GLRX3: variants seen among roughly 807,000 people sequenced by gnomAD.
The protein encoded by GLRX3 is glutaredoxin 3.
In GLRX3, 22 loss-of-function variants were observed where a neutral mutation model predicts 49.5. The observed-to-expected ratio is 0.44, with a 90% CI of 0.32 to 0.63. The LOEUF (loss-of-function observed/expected upper bound fraction) is 0.63, where lower values mean the gene tolerates loss of function less well. GLRX3 is among the 30% of genes least tolerant of loss of function. GLRX3 has a pLI of 0.05. For missense variants in GLRX3, 385 were observed against 396.3 expected (o/e 0.97, Z 0.24); for synonymous variants, 133 against 140.0 (o/e 0.95, Z 0.35).
intron 4 of GLRX3, 88 bp from the exon 5 acceptor site, chr10:130,166,419 A>G (rs1862690021): frequency 3.5e-6 from 3 of 865,058 alleles, no homozygotes; most frequent in Non-Finnish European, 3.7e-6. Context: ...TGTCTTTTAG[A>G]TGATATGTAC....
chr10:130,160,773 C>A, intron 3 of GLRX3, 23 bp from the exon 4 acceptor site: 2 of 1,351,308 alleles, frequency 1.5e-6, no homozygotes, highest in Non-Finnish European at 1.1e-6. Context: ...TGCATGTATT[C>A]TAAATAACTT....
rs535472955 is a variant in GLRX3 at position 130,167,416 on chromosome 10, G to A, written c.713+436G>A. 5.9e-5 allele frequency among the ~76,000 whole-genome samples: 9 copies of A among 152,228 alleles called. No homozygotes were observed. The South Asian group carries it at 1.0e-3, about 18-fold the overall frequency. On this transcript the variant is annotated intron_variant, in intron 6 of 10. Coordinates refer to ENST00000331244, the MANE Select transcript of GLRX3 (RefSeq NM_006541.5). ...GTGAGTGTGAAAAACTCATCACCTC[G>A]CAACAAGCTTTGAGCACTTCTCATG...
At chr10:130,171,798 G>A (rs949480612) in intron 8 of GLRX3, among the ~76,000 whole-genome samples, 162 bp downstream of exon 8, 4 of 151,704 alleles carry the variant, frequency 2.6e-5, no homozygotes, top group African/African-American at 7.3e-5. Flanking sequence ...AGACCCCATC[G>A]CCACAAAAAA....
chr10:130,138,204 G>C (rs538652176), intron 1 of GLRX3, among the ~76,000 whole-genome samples: 6 of 152,054 alleles, frequency 3.9e-5, no homozygotes, highest in Admixed American at 3.3e-4. Flanking sequence ...CTACACGTGC[G>C]GTCCACCACG....
Position 130,136,633 on chromosome 10 carries a change from C to T in GLRX3, c.92+121C>T, listed in dbSNP as rs948820673. 1.6e-5 allele frequency: 18 copies of T among 1,157,202 alleles called. No homozygotes were observed. The African/African-American group carries it at 1.9e-4, about 12-fold the overall frequency. 71.7% of individuals were successfully genotyped at this position (1,157,202 alleles called of 1,614,324 possible). On this transcript the variant is annotated intron_variant, in intron 1 of 10. Coordinates refer to ENST00000331244, the MANE Select transcript of GLRX3 (RefSeq NM_006541.5). ...CTTGGTGCCCGGCTCCCTTCGGCCT[C>T]GGGGGACCGGGCCCGGCGCCACCCG...
chr10:130,143,249 C>A (rs1311284320), intron 1 of GLRX3, among the ~76,000 whole-genome samples: 6 of 152,188 alleles, frequency 3.9e-5, no homozygotes, highest in Non-Finnish European at 7.3e-5. Context: ...GGCTTATTCT[C>A]TTCTCGCTGG....
chr10:130,179,332 T>A lies in GLRX3; in HGVS notation c.958-10T>A. 7.8e-7 allele frequency: 1 copy of A among 1,282,620 alleles called. No individual in the cohort carries two copies. Among genetic ancestry groups the A allele is most frequent in the Non-Finnish European group, 1.1e-6 (1 of 892,022 alleles). 79.5% of individuals were successfully genotyped at this position (1,282,620 alleles called of 1,614,324 possible). A position where few individuals can be genotyped will look rare whatever the true frequency, so the allele number is the denominator to read the frequency against. On this transcript the variant is annotated splice_polypyrimidine_tract_variant and intron_variant, in intron 10 of 10. Coordinates refer to ENST00000331244, the MANE Select transcript of GLRX3 (RefSeq NM_006541.5). ...ATATACATATTATTATTGTTGTTTT[T>A]TATTTTTAGGAACTGAAAGAAAATG... is the stretch of plus-strand genomic sequence containing the variant.
intron 2 of GLRX3, among the ~76,000 whole-genome samples, chr10:130,151,662 G>A (rs918637907): frequency 1.3e-5 from 2 of 152,106 alleles, no homozygotes; most frequent in African/African-American, 2.4e-5. Context: ...GAAAATGCTG[G>A]TTTCCAGCTT....
intron 1 of GLRX3, among the ~76,000 whole-genome samples, chr10:130,140,260 C>T (rs142411843): frequency 6.6e-6 from 1 of 152,304 alleles, no homozygotes; most frequent in African/African-American, 2.4e-5. Context: ...ATTACATTGT[C>T]TAAAGTTACA....
intron 2 of GLRX3, among the ~76,000 whole-genome samples, chr10:130,152,974 A>C (rs937634250): frequency 6.6e-6 from 1 of 152,086 alleles, no homozygotes; most frequent in Admixed American, 6.6e-5. Flanking sequence ...ACATAGTCTC[A>C]TATTTCTTGG....
chr10:130,158,152 TC>T (rs1243083757), intron 2 of GLRX3, among the ~76,000 whole-genome samples: 1 of 152,096 alleles, frequency 6.6e-6, no homozygotes, highest in Admixed American at 6.6e-5. Flanking sequence ...GTCATTTGCT[TC>T]CCAGAAGAAT....
rs79332985 is a variant in GLRX3, at chr10:130,171,608, C to G, written c.796C>G (p.Gln266Glu). 4.3e-4 allele frequency: 676 copies of G among 1,559,516 alleles called. 8 individuals are homozygous for G. The African/African-American group carries it at 8.1e-3, about 19-fold the overall frequency. Reference sequence around the variant, plus strand: ...GGAAGCAAAATGTGGATTCAGCAAACAAATTCTGGAAATACTAAATAGTAC... The same window carrying G: ...GGAAGCAAAATGTGGATTCAGCAAAGAAATTCTGGAAATACTAAATAGTAC... ...KQEAKCGFSK[Q>E]ILEILNSTGV... is the part of the protein sequence containing the mutation. The change falls in exon 8 of 11, where the codon CAA (glutamine) becomes GAA (glutamate). Residue 266 changes from glutamine to glutamate, a missense_variant. Gln to Glu is a conservative substitution (Grantham distance 29). Transcript: ENST00000331244.
chr10:130,150,457 T>C (rs1218608289), intron 2 of GLRX3, among the ~76,000 whole-genome samples: 4 of 152,148 alleles, frequency 2.6e-5, no homozygotes, highest in African/African-American at 9.7e-5. Context: ...TTTTATACTA[T>C]TGTATTTCAT....
intron 1 of GLRX3, among the ~76,000 whole-genome samples, chr10:130,138,652 C>T (rs1466952876): frequency 1.3e-5 from 2 of 152,138 alleles, no homozygotes; most frequent in Admixed American, 6.5e-5. Context: ...GGCTCTGACT[C>T]ATCCAGTACA....
chr10:130,154,285 C>T (rs1014984263), intron 2 of GLRX3, among the ~76,000 whole-genome samples: 2 of 152,210 alleles, frequency 1.3e-5, no homozygotes, highest in Non-Finnish European at 2.9e-5. Context: ...ACCCCTTGCG[C>T]TTCCTGGGTG....
chr10:130,165,714 A>G (rs1486523704), intron 4 of GLRX3, among the ~76,000 whole-genome samples: 1 of 152,242 alleles, frequency 6.6e-6, no homozygotes, highest in Non-Finnish European at 1.5e-5. Context: ...AAGATTGAGA[A>G]CTACTGAAGT....
At chr10:130,164,183 G>A (rs778927114) in intron 4 of GLRX3, among the ~76,000 whole-genome samples, 8 of 152,164 alleles carry the variant, frequency 5.3e-5, no homozygotes, top group South Asian at 2.1e-4. Flanking sequence ...TGAGCCTGAC[G>A]TGTAGATAGG....
intron 1 of GLRX3, among the ~76,000 whole-genome samples, chr10:130,139,641 CA>C (rs530321909): frequency 9.0e-5 from 9 of 100,546 alleles, no homozygotes; most frequent in Admixed American, 1.1e-4. Context: ...GACTCCATCT[CA>C]AAAAAAAAAA....
At chr10:130,175,300 C>T (rs1862895518) in intron 10 of GLRX3, among the ~76,000 whole-genome samples, 1 of 152,230 alleles carries the variant, frequency 6.6e-6, no homozygotes, top group Admixed American at 6.5e-5. Flanking sequence ...CTTACTTTCA[C>T]ACCTGAGCTA....
Sources: gnomAD v4.1 joint callset for allele counts (sites outside exome capture counted in the v4.1 genomes callset) on GRCh38, gnomAD v4.1.1 for gene constraint, MANE v1.5 for transcripts, NCBI Gene and HGNC (gene_info 2026-07-23, HGNC 2026-07-21) for gene names.